Variants in MMRN1 observed in about 807,000 individuals in gnomAD.
The protein encoded by MMRN1 is multimerin 1.
A neutral mutation model predicts 100.7 loss-of-function variants in MMRN1; 94 were observed. The ratio of observed to expected loss-of-function variants is 0.93; its 90% confidence interval spans 0.79 to 1.11. The LOEUF is 1.11. MMRN1 is among the 50% of genes least tolerant of loss of function. The probability of loss-of-function intolerance (pLI) is 0.00; values close to 1 mark genes in which losing one functional copy is unlikely to be tolerated. For missense variants in MMRN1, 1,606 were observed against 1,439.1 expected (o/e 1.12, Z -1.88); for synonymous variants, 575 against 505.0 (o/e 1.14, Z -1.86).
intron 1 of MMRN1, among the ~76,000 whole-genome samples, chr4:89,889,123 A>G (rs1720996831): frequency 6.6e-6 from 1 of 152,144 alleles, no homozygotes. Flanking sequence ...AGCTAGGTCT[A>G]ATATAAACCA....
rs2110659603 is a variant in MMRN1, at chr4:89,951,873, T to C, written c.3265+122T>C. On this transcript the variant is annotated intron_variant, in intron 7 of 7. Coordinates refer to ENST00000264790, the MANE Select transcript of MMRN1 (RefSeq NM_007351.3). ...TCTGGATCCACTTGACAATTCCTTT[T>C]ACTTTTTCGAAACTTACTGAAGAAT... The C allele has an allele frequency of 3.5e-6, 4 of 1,151,196 alleles. No individual in the cohort carries two copies. The South Asian group carries it at 5.1e-5, about 15-fold the overall frequency. The allele number at this position is 1,151,196 out of a possible 1,614,324, so 71.3% of individuals were successfully genotyped here.
rs147355396 is a variant in MMRN1 at position 89,928,247 on chromosome 4, T to C, written c.1129+279T>C. Among the ~76,000 whole-genome samples, 621 of 152,216 alleles carry C rather than the reference T, an allele frequency of 4.1e-3. 6 individuals are homozygous for C. Among genetic ancestry groups the C allele is most frequent in the African/African-American group, 0.014 (600 of 41,552 alleles). ...CTAACATATTCATTTTTAGTTAAAGTGAGTCATATTAATTTACTTCCATTG... is the reference window on the plus strand; with the variant it reads ...CTAACATATTCATTTTTAGTTAAAGCGAGTCATATTAATTTACTTCCATTG... On this transcript the variant is annotated intron_variant, in intron 5 of 7. Transcript: ENST00000264790.
intron 6 of MMRN1, among the ~76,000 whole-genome samples, chr4:89,951,158 G>T (rs1046428639): frequency 6.6e-6 from 1 of 151,646 alleles, no homozygotes. Flanking sequence ...AATCATATTG[G>T]TTTTTTTATA....
intron 4 of MMRN1, among the ~76,000 whole-genome samples, chr4:89,926,109 G>A (rs547730803): frequency 6.6e-6 from 1 of 152,234 alleles, no homozygotes; most frequent in East Asian, 1.9e-4. Context: ...ATACTTCTTG[G>A]ATATACAGAT....
In MMRN1 at chr4:89,904,781, A is replaced by G. The variant is rs141363013; in HGVS notation, c.624-4495A>G. 6.8e-3 allele frequency among the ~76,000 whole-genome samples: 1,033 copies of G among 151,680 alleles called. 10 individuals are homozygous for G. Among genetic ancestry groups the G allele is most frequent in the African/African-American group, 0.022 (900 of 41,456 alleles). On this transcript the variant is annotated intron_variant, in intron 1 of 7. Coordinates refer to ENST00000264790, the MANE Select transcript of MMRN1 (RefSeq NM_007351.3). The stretch of plus-strand genomic sequence containing the variant: ...GGGTAGTGTGCTAGGGAGAACATGT[A>G]CTCTGACTAGTGTTGCTATCTAAAA...
intron 2 of MMRN1, among the ~76,000 whole-genome samples, chr4:89,910,303 A>C (rs1365138999): frequency 6.6e-6 from 1 of 151,474 alleles, no homozygotes; most frequent in African/African-American, 2.4e-5. Flanking sequence ...CGAGACACAA[A>C]GAATGCATTG....
At chr4:89,905,107 AT>A (rs1465198524) in intron 1 of MMRN1, among the ~76,000 whole-genome samples, 8 of 151,690 alleles carry the variant, frequency 5.3e-5, no homozygotes, top group East Asian at 1.9e-4. Context: ...TTATAAAAAA[AT>A]ATAAGACTAA....
chr4:89,948,349 TA>T (rs1167646451), intron 6 of MMRN1, among the ~76,000 whole-genome samples: 3 of 152,030 alleles, frequency 2.0e-5, no homozygotes, highest in African/African-American at 4.8e-5. Context: ...ATAACAAAGA[TA>T]GGGGAGGGTG....
Position 89,952,997 on chromosome 4 carries a change from A to G in MMRN1, c.3266A>G (p.Asp1089Gly), listed in dbSNP as rs781052467. ...KLVEENALAP[D>G]FSKGSYRYAP... ...CTCTTGCCATTTTTTCCTCTAACAGATTTTTCCAAAGGATCTTACAGATAT... is the reference window on the plus strand; with the variant it reads ...CTCTTGCCATTTTTTCCTCTAACAGGTTTTTCCAAAGGATCTTACAGATAT... The change falls in exon 8 of 8, where the codon GAT (aspartate) becomes GGT (glycine). Residue 1089 changes from aspartate (D) to glycine (G), a missense_variant and splice_region_variant. Coordinates refer to ENST00000264790, the MANE Select transcript of MMRN1 (RefSeq NM_007351.3). 2.6e-6 allele frequency: 4 copies of G among 1,555,040 alleles called. No individual in the cohort carries two copies. The Admixed American group carries it at 8.1e-5, about 32-fold the overall frequency.
intron 4 of MMRN1, among the ~76,000 whole-genome samples, chr4:89,924,040 A>C (rs1364851523): frequency 6.6e-6 from 1 of 152,178 alleles, no homozygotes; most frequent in Admixed American, 6.5e-5. Flanking sequence ...TACATGTGTA[A>C]AGGGATAGAC....
At chr4:89,911,355 C>T (rs978308419) in intron 2 of MMRN1, among the ~76,000 whole-genome samples, 2 of 151,358 alleles carry the variant, frequency 1.3e-5, no homozygotes, top group East Asian at 3.9e-4. Context: ...CCTCATATTA[C>T]ATCCCTTCTC....
chr4:89,920,036 T>A (rs549762396), intron 3 of MMRN1, among the ~76,000 whole-genome samples: 15 of 152,242 alleles, frequency 9.9e-5, no homozygotes, highest in African/African-American at 3.6e-4. Context: ...AAAATAGTTT[T>A]CAGATGTTGC....
Position 89,911,979 on chromosome 4 carries a change from A to G in MMRN1, c.779A>G (p.Gln260Arg). 6.2e-7 allele frequency: 1 copy of G among 1,604,438 alleles called. No homozygotes were observed. Among genetic ancestry groups the G allele is most frequent in the Non-Finnish European group, 8.5e-7 (1 of 1,174,162 alleles). ...ATATCCAATCCTGTCTATAGGATGCAACATAAAATTGTCACCTCATTGGAT... is the reference window on the plus strand; with the variant it reads ...ATATCCAATCCTGTCTATAGGATGCGACATAAAATTGTCACCTCATTGGAT... ...QKISNPVYRM[Q>R]HKIVTSLDWR... Residue 260 changes from glutamine to arginine, a missense_variant, in exon 3 of 8, where the codon CAA becomes CGA. Transcript: ENST00000264790.
intron 4 of MMRN1, among the ~76,000 whole-genome samples, chr4:89,926,344 C>T (rs1722258781): frequency 6.6e-6 from 1 of 151,808 alleles, no homozygotes; most frequent in South Asian, 2.1e-4. Context: ...GATGATATCG[C>T]ATAGTAGTTT....
At position 89,895,601 on chromosome 4, in the gene MMRN1, A is replaced by G. The variant is rs1473765777; in HGVS notation, c.623+7A>G. On this transcript the variant is annotated splice_region_variant and intron_variant, in intron 1 of 7. Transcript: ENST00000264790. Reference sequence around the variant, plus strand: ...TCGAAACAACTAGAGGAAAGTAAGAAATCTTCTTTTCTTTTTGTTCTTTCT... The same window carrying G: ...TCGAAACAACTAGAGGAAAGTAAGAGATCTTCTTTTCTTTTTGTTCTTTCT... The G allele has an allele frequency of 6.2e-7, 1 of 1,610,092 alleles. No homozygotes were observed. Among genetic ancestry groups the G allele is most frequent in the South Asian group, 1.1e-5 (1 of 90,716 alleles).
chr4:89,947,800 C>A (rs1360476019), intron 6 of MMRN1, among the ~76,000 whole-genome samples: 1 of 151,978 alleles, frequency 6.6e-6, no homozygotes, highest in Non-Finnish European at 1.5e-5. Flanking sequence ...ATTTTTTAAG[C>A]GTTTTAATAA....
At chr4:89,899,093 T>C (rs568087215) in intron 1 of MMRN1, among the ~76,000 whole-genome samples, 3 of 152,256 alleles carry the variant, frequency 2.0e-5, no homozygotes, top group African/African-American at 7.2e-5. Context: ...TTTTCTACCA[T>C]TCTTGGAATT....
intron 3 of MMRN1, among the ~76,000 whole-genome samples, chr4:89,920,460 A>G (rs1391167705): frequency 6.6e-6 from 1 of 152,158 alleles, no homozygotes; most frequent in East Asian, 1.9e-4. Flanking sequence ...TTGTGTTATA[A>G]CAATAGAAAG....
At position 89,927,312 on chromosome 4, in the gene MMRN1, T is replaced by G. The variant is rs1016760594; in HGVS notation, c.956-483T>G. ...TTCTTTCATTAGTGTTTTATAGTTT[T>G]CATTATAGTGACCTTCCACTTCTTT... On this transcript the variant is annotated intron_variant, in intron 4 of 7. Coordinates refer to ENST00000264790, the MANE Select transcript of MMRN1 (RefSeq NM_007351.3). 7.2e-5 allele frequency among the ~76,000 whole-genome samples: 11 copies of G among 152,316 alleles called. No individual in the cohort carries two copies. The East Asian group carries it at 2.1e-3, about 29-fold the overall frequency.
Sources: gnomAD v4.1 joint callset for allele counts (sites outside exome capture counted in the v4.1 genomes callset) on GRCh38, gnomAD v4.1.1 for gene constraint, MANE v1.5 for transcripts, NCBI Gene and HGNC (gene_info 2026-07-23, HGNC 2026-07-21) for gene names.